Variants in CSMD1 observed in about 807,000 individuals in gnomAD.
CSMD1 encodes the protein CUB and Sushi multiple domains 1, also known as CUB and sushi domain-containing protein 1.
Under a neutral mutation model 417.5 loss-of-function variants are expected in CSMD1, and 213 were observed. The observed-to-expected ratio is 0.51, with a 90% confidence interval of 0.46 to 0.57. The LOEUF is 0.57. Ranked by LOEUF, CSMD1 falls within the 20% of genes least tolerant of loss-of-function variation. The pLI, the probability that CSMD1 is intolerant of heterozygous loss-of-function variation, is 0.00. For missense variants in CSMD1, 6,923 were observed against 4,529.7 expected (o/e 1.53, Z -15.17); for synonymous variants, 2,862 against 1,736.8 (o/e 1.65, Z -16.11).
At chr8:4,934,233 T>C (rs1436122432) in intron 1 of CSMD1, among the ~76,000 whole-genome samples, 1 of 151,830 alleles carries the variant, frequency 6.6e-6, no homozygotes, top group African/African-American at 2.4e-5. Context: ...TATCCAGACA[T>C]CCCCCAAGGC....
At chr8:4,693,234 G>C (rs953731130) in intron 1 of CSMD1, among the ~76,000 whole-genome samples, 2 of 152,216 alleles carry the variant, frequency 1.3e-5, no homozygotes, top group African/African-American at 2.4e-5. Context: ...ACGGCCATGA[G>C]CAAGAAATGT....
At chr8:3,363,567 G>A (rs908709702) in intron 20 of CSMD1, among the ~76,000 whole-genome samples, 2 of 151,854 alleles carry the variant, frequency 1.3e-5, no homozygotes, top group Non-Finnish European at 2.9e-5. Context: ...TCGCTGTATT[G>A]CCGAGGCTGG....
At chr8:4,075,078 T>A (rs930585135) in intron 3 of CSMD1, among the ~76,000 whole-genome samples, 7 of 152,180 alleles carry the variant, frequency 4.6e-5, no homozygotes, top group Non-Finnish European at 8.8e-5. Context: ...TGAATAATAT[T>A]TCTTCAGTAT....
chr8:3,440,473 G>T (rs769974468), intron 12 of CSMD1, among the ~76,000 whole-genome samples: 1 of 152,158 alleles, frequency 6.6e-6, no homozygotes, highest in African/African-American at 2.4e-5. Flanking sequence ...AAATACAGTA[G>T]ATTTTGTTGT....
intron 1 of CSMD1, among the ~76,000 whole-genome samples, chr8:4,823,059 A>G (rs1283690619): frequency 1.3e-5 from 2 of 151,980 alleles, no homozygotes; most frequent in Non-Finnish European, 2.9e-5. Context: ...CATTTTTGCC[A>G]CTCTGTCCAC....
chr8:4,888,717 G>C (rs962275681), intron 1 of CSMD1, among the ~76,000 whole-genome samples: 2 of 152,064 alleles, frequency 1.3e-5, no homozygotes, highest in Non-Finnish European at 2.9e-5. Flanking sequence ...GGCCGGTGCA[G>C]GGAAAGTGCA....
intron 3 of CSMD1, among the ~76,000 whole-genome samples, chr8:4,165,010 G>C (rs1271383720): frequency 2.0e-5 from 3 of 152,148 alleles, no homozygotes; most frequent in Non-Finnish European, 1.5e-5. Flanking sequence ...GTTCTTGTAT[G>C]TTTTTGTCCA....
intron 1 of CSMD1, among the ~76,000 whole-genome samples, chr8:4,723,875 C>T (rs1438820010): frequency 6.6e-6 from 1 of 150,654 alleles, no homozygotes; most frequent in African/African-American, 2.4e-5. Flanking sequence ...CTTCCCAAAA[C>T]TAACTGTCAT....
At chr8:3,239,909 C>A (rs1461873801) in intron 26 of CSMD1, among the ~76,000 whole-genome samples, 2 of 151,778 alleles carry the variant, frequency 1.3e-5, no homozygotes, top group Non-Finnish European at 2.9e-5. Context: ...GGGCCAGGAA[C>A]AATGGTAATT....
chr8:4,463,736 G>A (rs889789486), intron 2 of CSMD1, among the ~76,000 whole-genome samples: 1 of 152,118 alleles, frequency 6.6e-6, no homozygotes, highest in Non-Finnish European at 1.5e-5. Flanking sequence ...GTTTCCTTTG[G>A]GCCGTGGGGC....
At chr8:4,026,868 T>G (rs1482481148) in intron 4 of CSMD1, among the ~76,000 whole-genome samples, 1 of 152,200 alleles carries the variant, frequency 6.6e-6, no homozygotes, top group Non-Finnish European at 1.5e-5. Context: ...AGCAAAAGTT[T>G]GGAATTTGGC....
chr8:3,133,580 G>C (rs772922173), intron 41 of CSMD1, among the ~76,000 whole-genome samples: 28 of 152,216 alleles, frequency 1.8e-4, no homozygotes, highest in Non-Finnish European at 3.7e-4. Flanking sequence ...AAGGGGTTCT[G>C]AGGAGAAACC....
At chr8:3,640,212 T>C (rs968823457) in intron 7 of CSMD1, among the ~76,000 whole-genome samples, 6 of 152,190 alleles carry the variant, frequency 3.9e-5, no homozygotes, top group Non-Finnish European at 5.9e-5. Flanking sequence ...TGGGGAGGCA[T>C]CAATGTGCTG....
At chr8:3,954,158 AAACTTCAG>A (rs1217546945) in intron 5 of CSMD1, among the ~76,000 whole-genome samples, 8 of 152,280 alleles carry the variant, frequency 5.3e-5, no homozygotes, top group Admixed American at 1.3e-4. Context: ...GGGTCTGTAG[AAACTTCAG>A]CCCTTGCATC....
intron 3 of CSMD1, among the ~76,000 whole-genome samples, chr8:4,299,088 T>C (rs988474749): frequency 2.0e-5 from 3 of 152,098 alleles, no homozygotes; most frequent in Admixed American, 1.3e-4. Flanking sequence ...TATGATAATA[T>C]AAGGAGGGAA....
rs1423691188 is a variant in CSMD1 at position 3,411,811 on chromosome 8, T to C, written c.1562-2206A>G. ...ATATATACACGTATATATACACGTA[T>C]ATATACGTGTATATGTATATATGCA... On this transcript the variant is annotated intron_variant, in intron 12 of 69. Coordinates refer to ENST00000635120, the MANE Select transcript of CSMD1 (RefSeq NM_033225.6). Among the ~76,000 whole-genome samples, 3 of 118,508 alleles carry C rather than the reference T, an allele frequency of 2.5e-5. 1 individual carries two copies. The highest frequency in any genetic ancestry group is 7.0e-4 in the East Asian group (2 of 2,864). The allele number at this position is 118,508 out of a possible 152,430, so 77.7% of individuals were successfully genotyped here.
At chr8:4,196,500 C>T (rs924654530) in intron 3 of CSMD1, among the ~76,000 whole-genome samples, 1 of 152,154 alleles carries the variant, frequency 6.6e-6, no homozygotes, top group Admixed American at 6.5e-5. Flanking sequence ...CAGTTTGTTA[C>T]ATTTATGGGG....
intron 3 of CSMD1, among the ~76,000 whole-genome samples, chr8:4,241,125 C>T (rs940275122): frequency 6.6e-6 from 1 of 152,052 alleles, no homozygotes; most frequent in Non-Finnish European, 1.5e-5. Context: ...TTCAATGAAC[C>T]CTAGCTTCAC....
intron 10 of CSMD1, among the ~76,000 whole-genome samples, chr8:3,522,763 C>G (rs903847414): frequency 9.2e-5 from 14 of 152,016 alleles, no homozygotes; most frequent in African/African-American, 3.4e-4. Context: ...AGTGCTCTAC[C>G]ACAATGCCCA....
Sources: allele counts gnomAD v4.1 joint callset (sites outside exome capture counted in the v4.1 genomes callset), GRCh38; gene constraint gnomAD v4.1.1; transcripts MANE v1.5; gene names NCBI Gene and HGNC (gene_info 2026-07-23, HGNC 2026-07-21).